KAT5: variants seen among roughly 807,000 people sequenced by gnomAD.
KAT5 encodes histone acetyltransferase KAT5.
KAT5 carries 31 observed loss-of-function variants against 68.1 expected under a neutral mutation model. The ratio of observed to expected loss-of-function variants is 0.46; its 90% CI spans 0.34 to 0.61. The LOEUF is 0.61. Ranked by LOEUF, KAT5 falls within the 20% of genes least tolerant of loss-of-function variation. The pLI, the probability that KAT5 is intolerant of heterozygous loss-of-function variation, is 0.01. For missense variants in KAT5, 451 were observed against 725.5 expected (o/e 0.62, Z 4.35); for synonymous variants, 365 against 292.6 (o/e 1.25, Z -2.52).
intron 3 of KAT5, 40 bp downstream of exon 3, chr11:65,713,098 C>T: frequency 1.2e-6 from 2 of 1,610,314 alleles, no homozygotes; most frequent in Non-Finnish European, 1.7e-6. Flanking sequence ...CTCCTGCCTC[C>T]TATTTCTCTT....
rs1050167465 is a variant in KAT5 at position 65,713,607 on chromosome 11, G to A, written c.555G>A (p.Glu185=). The A allele has an allele frequency of 2.5e-6, 4 of 1,614,068 alleles. No individual in the cohort carries two copies. The highest frequency in any genetic ancestry group is 8.5e-7 in the Non-Finnish European group (1 of 1,180,034). Residue 185 remains glutamate, a synonymous_variant, in exon 5 of 13, where the codon GAG becomes GAA. Coordinates refer to ENST00000341318, the MANE Select transcript of KAT5 (RefSeq NM_182710.3). ...PNHRSTKRKV[E]VVSPATPVPS... Reference sequence around the variant, plus strand: ...TCTCTCTGCAGAAACGGAAGGTGGAGGTGGTTTCACCAGCAACTCCAGTGC... The same window carrying A: ...TCTCTCTGCAGAAACGGAAGGTGGAAGTGGTTTCACCAGCAACTCCAGTGC...
intron 8 of KAT5, chr11:65,716,295 G>C (rs1418337844): frequency 4.6e-6 from 1 of 218,104 alleles, no homozygotes; most frequent in African/African-American, 2.3e-5. Flanking sequence ...ACATTAGTTT[G>C]AGGAGCCGTG....
rs1205361582 is a variant in KAT5 at position 65,719,489 on chromosome 11, AT to A, written c.*310del. The A allele has an allele frequency of 3.4e-5, 21 of 608,914 alleles. No individual in the cohort carries two copies. The East Asian group carries it at 5.8e-4, about 17-fold the overall frequency. The allele number at this position is 608,914 out of a possible 1,614,324, so 37.7% of individuals were successfully genotyped here. A position where few individuals can be genotyped will look rare whatever the true frequency, so the allele number is the denominator to read the frequency against. ...GGGAGCTCTGTACAGAGGGCTGGTG[AT>A]TGTAAAAATTTCTTTTGTAAAGTAG... On this transcript the variant is annotated 3_prime_UTR_variant, in exon 13 of 13. Coordinates refer to ENST00000341318, the MANE Select transcript of KAT5 (RefSeq NM_182710.3).
rs192550436 is a variant in KAT5 at position 65,716,631 on chromosome 11, G to T, written c.1030-36G>T. 6 of 1,605,236 alleles carry T rather than the reference G, an allele frequency of 3.7e-6. No individual in the cohort carries two copies. In the Admixed American group the frequency reaches 8.4e-5, roughly 22 times the overall value. On this transcript the variant is annotated intron_variant, in intron 8 of 12. Coordinates refer to ENST00000341318, the MANE Select transcript of KAT5 (RefSeq NM_182710.3). ...GAACCACTGGCCAGGCTCAAGGCGGGATACCCAGAGTGGTGACAAGCCTTT... is the reference window on the plus strand; with the variant it reads ...GAACCACTGGCCAGGCTCAAGGCGGTATACCCAGAGTGGTGACAAGCCTTT...
chr11:65,719,276 G>A lies in KAT5; in HGVS notation c.*95G>A. The A allele has an allele frequency of 7.0e-7, 1 of 1,438,768 alleles. No individual in the cohort carries two copies. 89.1% of individuals were successfully genotyped at this position (1,438,768 alleles called of 1,614,324 possible). On this transcript the variant is annotated 3_prime_UTR_variant, in exon 13 of 13. Coordinates refer to ENST00000341318, the MANE Select transcript of KAT5 (RefSeq NM_182710.3). ...GCAGCTCCCACAAAGCACTCTAAGGGAGATGGGGCTGAGGACAGCTCAAAA... is the reference window on the plus strand; with the variant it reads ...GCAGCTCCCACAAAGCACTCTAAGGAAGATGGGGCTGAGGACAGCTCAAAA...
At chr11:65,715,664 G>A (rs1857166338) in intron 8 of KAT5, among the ~76,000 whole-genome samples, 1 of 152,282 alleles carries the variant, frequency 6.6e-6, no homozygotes, top group South Asian at 2.1e-4. Context: ...GGGAGGCTGA[G>A]GCAGGAGAAT....
At position 65,718,007 on chromosome 11, in the gene KAT5, G is replaced by A. The variant is rs4645936; in HGVS notation, c.1265-583G>A. ...CGGCCAGCTATCAGCACGAGTTGGA[G>A]GGAAAGAGCCATGGTGGGGGTCAGT... On this transcript the variant is annotated intron_variant, in intron 10 of 12. Transcript: ENST00000341318. The A allele has an allele frequency of 0.038, 5,920 of 153,796 alleles. 200 individuals carry two copies. The highest frequency in any genetic ancestry group is 0.051 in the Non-Finnish European group (3,499 of 69,220). 9.5% of individuals were successfully genotyped at this position (153,796 alleles called of 1,614,324 possible). A position where few individuals can be genotyped will look rare whatever the true frequency, so the allele number is the denominator to read the frequency against.
chr11:65,718,250 C>G (rs926512281), intron 10 of KAT5: 6 of 234,184 alleles, frequency 2.6e-5, no homozygotes, highest in South Asian at 7.8e-5. Flanking sequence ...GACACAGAGC[C>G]CGGGATGGCA....
chr11:65,714,987 G>A, intron 8 of KAT5, 77 bp downstream of exon 8: 1 of 1,298,854 alleles, frequency 7.7e-7, no homozygotes, highest in Middle Eastern at 1.9e-4. Context: ...ACACTGACCA[G>A]TCAAGCCAGC....
chr11:65,717,004 A>AG, intron 10 of KAT5, 22 bp downstream of exon 10: 2 of 1,577,228 alleles, frequency 1.3e-6, no homozygotes, highest in Non-Finnish European at 1.7e-6. Context: ...TGCTGCGGCC[A>AG]GGGGGTAGTG....
At chr11:65,718,405 C>T (rs746434462) in intron 10 of KAT5, 185 bp from the exon 11 acceptor site, 19 of 646,170 alleles carry the variant, frequency 2.9e-5, no homozygotes, top group African/African-American at 7.2e-5. Context: ...GCTCAGCGCA[C>T]GGAAAGAGTG....
chr11:65,714,713 C>T lies in KAT5; in HGVS notation c.909C>T (p.Gly303=), dbSNP rs148757761. ...TGTGCGAGTTCTGCCTCAAGTACGGCCGTAGTCTCAAGTGTCTTCAGCGTC... is the reference window on the plus strand; with the variant it reads ...TGTGCGAGTTCTGCCTCAAGTACGGTCGTAGTCTCAAGTGTCTTCAGCGTC... ...LYLCEFCLKY[G]RSLKCLQRHL... is the part of the protein sequence containing the mutation. The change falls in exon 7 of 13, where the codon GGC becomes GGT. Residue 303 remains glycine, a synonymous_variant. Transcript: ENST00000341318. 58 of 1,614,202 alleles carry T rather than the reference C, an allele frequency of 3.6e-5. No homozygotes were observed. The African/African-American group carries it at 6.9e-4, about 19-fold the overall frequency.
intron 6 of KAT5, 166 bp from the exon 7 acceptor site, chr11:65,714,329 A>G (rs527461161): frequency 3.3e-5 from 25 of 747,848 alleles, no homozygotes; most frequent in African/African-American, 1.6e-4. Context: ...TTTCCACATC[A>G]TCGATCCTTT....
At chr11:65,718,112 C>T (rs754592896) in intron 10 of KAT5, 1 of 154,548 alleles carries the variant, frequency 6.5e-6, no homozygotes, top group Non-Finnish European at 1.4e-5. Flanking sequence ...CACAACCACC[C>T]AGTCAGGCCA....
At position 65,714,805 on chromosome 11, in the gene KAT5, C is replaced by G. The variant is rs746803643; in HGVS notation, c.940-16C>G. ...CTCCACGTTGCCCTTGTTCCTGATC[C>G]TCCTCTCTTCCCCAGACCAAGTGTG... On this transcript the variant is annotated splice_polypyrimidine_tract_variant and intron_variant, in intron 7 of 12. Transcript: ENST00000341318. 7 of 1,614,060 alleles carry G rather than the reference C, an allele frequency of 4.3e-6. No individual in the cohort carries two copies. In the African/African-American group the frequency reaches 8.0e-5, roughly 18 times the overall value.
At chr11:65,715,810 C>G (rs2135633412) in intron 8 of KAT5, 1 of 151,894 alleles carries the variant, frequency 6.6e-6, no homozygotes, top group Admixed American at 6.6e-5. Context: ...GTGGCTCATA[C>G]CTGTAACCCC....
upstream of KAT5, chr11:65,712,101 C>A: frequency 3.3e-6 from 2 of 598,132 alleles, no homozygotes; most frequent in Non-Finnish European, 5.4e-6. Context: ...TGTAACACTC[C>A]GTTTTCCCCC....
In KAT5 at chr11:65,718,799, C is replaced by T. The variant is rs763815597; in HGVS notation, c.1424+50C>T. ...GGGTACATGGCATGGCTTGTCTGTT[C>T]CTGGGCTTTCTCTCTCAGGGCTCCT... is the stretch of plus-strand genomic sequence containing the variant. On this transcript the variant is annotated intron_variant, in intron 11 of 12. Coordinates refer to ENST00000341318, the MANE Select transcript of KAT5 (RefSeq NM_182710.3). The T allele has an allele frequency of 4.3e-6, 7 of 1,613,732 alleles. No homozygotes were observed. The Admixed American group carries it at 1.0e-4, about 23-fold the overall frequency.
intron 7 of KAT5, 34 bp from the exon 8 acceptor site, chr11:65,714,787 T>C (rs201817325): frequency 4.8e-5 from 77 of 1,614,190 alleles, no homozygotes; most frequent in Non-Finnish European, 6.2e-5. Flanking sequence ...ACCCTCCACG[T>C]TGCCCTTGTT....
Sources: allele counts gnomAD v4.1 joint callset (sites outside exome capture counted in the v4.1 genomes callset), GRCh38; gene constraint gnomAD v4.1.1; transcripts MANE v1.5; gene names NCBI Gene and HGNC (gene_info 2026-07-23, HGNC 2026-07-21).